Variants in RAB21 observed in about 807,000 individuals in gnomAD.
RAB21 encodes the protein ras-related protein Rab-21.
In RAB21, 13 loss-of-function variants were observed where a neutral mutation model predicts 33.1. That is an observed-to-expected ratio of 0.39 (90% confidence interval 0.26 to 0.62). RAB21 has a LOEUF of 0.62. Ranked by LOEUF, RAB21 falls within the 20% of genes least tolerant of loss-of-function variation. The pLI, the probability that RAB21 is intolerant of heterozygous loss-of-function variation, is 0.48. For synonymous variants in RAB21, 91 were observed against 103.7 expected (o/e 0.88, Z 0.74); for missense variants, 234 against 279.1 (o/e 0.84, Z 1.15).
chr12:71,773,612 A>C (rs555860025), intron 3 of RAB21, among the ~76,000 whole-genome samples: 2 of 152,286 alleles, frequency 1.3e-5, no homozygotes, highest in South Asian at 4.1e-4. Context: ...ATATGTTCCT[A>C]AGTCCAAAGT....
intron 1 of RAB21, among the ~76,000 whole-genome samples, chr12:71,757,967 A>G (rs543455798): frequency 1.3e-5 from 2 of 151,872 alleles, no homozygotes; most frequent in African/African-American, 4.8e-5. Context: ...TGGAGGTGAA[A>G]TGAACTGGTA....
chr12:71,793,172 G>T lies in RAB21; in HGVS notation c.*7499G>T, dbSNP rs537266820. ...GTTTGGTTTGGTTTGGTTTTGCGGT[G>T]ATTTTTTTTAACCTAGAAAAAATAC... On this transcript the variant is annotated 3_prime_UTR_variant, in exon 7 of 7. Coordinates refer to ENST00000261263, the MANE Select transcript of RAB21 (RefSeq NM_014999.4). 2.0e-5 allele frequency: 3 copies of T among 152,108 alleles called. No individual in the cohort carries two copies. Among genetic ancestry groups the T allele is most frequent in the African/African-American group, 7.2e-5 (3 of 41,408 alleles). The allele number at this position is 152,108 out of a possible 1,614,324, so 9.4% of individuals were successfully genotyped here.
At position 71,755,248 on chromosome 12, in the gene RAB21, G is replaced by C. The variant is rs764953594; in HGVS notation, c.119G>C (p.Cys40Ser). Reference sequence around the variant, plus strand: ...AAGACGTCGCTGGTGCTGCGCTACTGCGAGAACAAGTTTAACGACAAGCAC... The same window carrying C: ...AAGACGTCGCTGGTGCTGCGCTACTCCGAGAACAAGTTTAACGACAAGCAC... ...VGKTSLVLRY[C>S]ENKFNDKHIT... Residue 40 changes from cysteine (C) to serine (S), a missense_variant, in exon 1 of 7, where the codon TGC becomes TCC. Coordinates refer to ENST00000261263, the MANE Select transcript of RAB21 (RefSeq NM_014999.4). 6 of 1,547,412 alleles carry C rather than the reference G, an allele frequency of 3.9e-6. No homozygotes were observed. The highest frequency in any genetic ancestry group is 4.3e-6 in the Non-Finnish European group (5 of 1,150,946).
chr12:71,755,635 T>G (rs1882774383), intron 1 of RAB21, among the ~76,000 whole-genome samples: 1 of 152,250 alleles, frequency 6.6e-6, no homozygotes, highest in South Asian at 2.1e-4. Context: ...TGTTAGCTCC[T>G]TTTCTTTCTT....
rs1883368114 is a variant in RAB21 at position 71,790,691 on chromosome 12, C to T, written c.*5018C>T. The T allele has an allele frequency of 6.6e-6, 1 of 152,034 alleles. No individual in the cohort carries two copies. The highest frequency in any genetic ancestry group is 2.4e-5 in the African/African-American group (1 of 41,404). 9.4% of individuals were successfully genotyped at this position (152,034 alleles called of 1,614,324 possible). ...ATCTTTTTGCTATGTATTAATATAT[C>T]TATATGTTTACATATAGAAATACAT... On this transcript the variant is annotated 3_prime_UTR_variant, in exon 7 of 7. Coordinates refer to ENST00000261263, the MANE Select transcript of RAB21 (RefSeq NM_014999.4).
chr12:71,766,971 T>C (rs1349207334), intron 1 of RAB21, among the ~76,000 whole-genome samples: 1 of 152,154 alleles, frequency 6.6e-6, no homozygotes, highest in Non-Finnish European at 1.5e-5. Context: ...TCCCCAACTT[T>C]TATAAAGAAG....
rs546947022 is a variant in RAB21 at position 71,762,399 on chromosome 12, A to G, written c.159+7111A>G. Among the ~76,000 whole-genome samples, 862 of 151,588 alleles carry G rather than the reference A, an allele frequency of 5.7e-3. 13 individuals are homozygous for G. Among genetic ancestry groups the G allele is most frequent in the African/African-American group, 0.02 (810 of 41,296 alleles). ...CGGCTCACTGCAAGCTCCGCCTCCC[A>G]GGTTCACGCCATTCTCCTGCCTCAG... On this transcript the variant is annotated intron_variant, in intron 1 of 6. Transcript: ENST00000261263.
chr12:71,755,179 C>G lies in RAB21; in HGVS notation c.50C>G (p.Ala17Gly). Residue 17 changes from alanine (A) to glycine (G), a missense_variant, in exon 1 of 7, where the codon GCC becomes GGC. Coordinates refer to ENST00000261263, the MANE Select transcript of RAB21 (RefSeq NM_014999.4). ...GGCGGGGCGGCGGCGGCGGGCCGAG[C>G]CTACTCGTTCAAGGTGGTGCTGCTG... ...GGGGAAAAGR[A>G]YSFKVVLLGE... The G allele has an allele frequency of 2.8e-6, 4 of 1,442,388 alleles. No individual in the cohort carries two copies. The Middle Eastern group carries it at 7.5e-4, about 270-fold the overall frequency. 89.3% of individuals were successfully genotyped at this position (1,442,388 alleles called of 1,614,324 possible).
In RAB21 at chr12:71,799,393, C is replaced by T. The variant is rs535658015; in HGVS notation, c.*13720C>T. 1.3e-5 allele frequency: 2 copies of T among 152,330 alleles called. No individual in the cohort carries two copies. Among genetic ancestry groups the T allele is most frequent in the Admixed American group, 6.5e-5 (1 of 15,298 alleles). 9.4% of individuals were successfully genotyped at this position (152,330 alleles called of 1,614,324 possible). ...AAAATATCTATAATGGCTTCTGTTT[C>T]CTGCATTGAAAGCTGACTGATCTGG... On this transcript the variant is annotated 3_prime_UTR_variant, in exon 7 of 7. Coordinates refer to ENST00000261263, the MANE Select transcript of RAB21 (RefSeq NM_014999.4).
chr12:71,759,733 G>A lies in RAB21; in HGVS notation c.159+4445G>A, dbSNP rs185631478. Reference sequence around the variant, plus strand: ...TCATGAGATGCTTTGTCAAATTCTTGCAGAAGACAAGATAGGCTGTGTTTC... The same window carrying A: ...TCATGAGATGCTTTGTCAAATTCTTACAGAAGACAAGATAGGCTGTGTTTC... On this transcript the variant is annotated intron_variant, in intron 1 of 6. Transcript: ENST00000261263. Among the ~76,000 whole-genome samples the A allele has an allele frequency of 1.3e-4, 20 of 152,294 alleles. No individual in the cohort carries two copies. The South Asian group carries it at 2.5e-3, about 19-fold the overall frequency.
rs746798433 is a variant in RAB21, at chr12:71,789,922, T to G, written c.*4249T>G. The G allele has an allele frequency of 1.1e-4, 16 of 152,160 alleles. No individual in the cohort carries two copies. The highest frequency in any genetic ancestry group is 1.8e-4 in the Non-Finnish European group (12 of 67,986). 9.4% of individuals were successfully genotyped at this position (152,160 alleles called of 1,614,324 possible). On this transcript the variant is annotated 3_prime_UTR_variant, in exon 7 of 7. Coordinates refer to ENST00000261263, the MANE Select transcript of RAB21 (RefSeq NM_014999.4). ...GTAATATTTTAATAGTGTTATGTAT[T>G]GGAAAAAATTTAGAAATACTCCTAA...
chr12:71,788,862 C>T lies in RAB21; in HGVS notation c.*3189C>T, dbSNP rs1312494344. The stretch of plus-strand genomic sequence containing the variant: ...GATTGTTTTTGAAAATGTATATTGC[C>T]ATGCTTTTGGGGTAAGCAGTAATGT... On this transcript the variant is annotated 3_prime_UTR_variant, in exon 7 of 7. Transcript: ENST00000261263. 1 of 151,918 alleles carries T rather than the reference C, an allele frequency of 6.6e-6. No homozygotes were observed. The highest frequency in any genetic ancestry group is 1.5e-5 in the Non-Finnish European group (1 of 67,950). The allele number at this position is 151,918 out of a possible 1,614,324, so 9.4% of individuals were successfully genotyped here.
Position 71,796,960 on chromosome 12 carries a change from A to G in RAB21, c.*11287A>G, listed in dbSNP as rs575564646. The G allele has an allele frequency of 6.6e-6, 1 of 152,326 alleles. No homozygotes were observed. The highest frequency in any genetic ancestry group is 2.4e-5 in the African/African-American group (1 of 41,580). The allele number at this position is 152,326 out of a possible 1,614,324, so 9.4% of individuals were successfully genotyped here. ...TCTTTTTAGAAGTAAATTAGTTTTT[A>G]TTTCATTTGTGGGTGGTATTGAGAA... On this transcript the variant is annotated 3_prime_UTR_variant, in exon 7 of 7. Coordinates refer to ENST00000261263, the MANE Select transcript of RAB21 (RefSeq NM_014999.4).
intron 4 of RAB21, among the ~76,000 whole-genome samples, chr12:71,780,556 T>A (rs1293594150): frequency 1.3e-5 from 2 of 152,362 alleles, no homozygotes; most frequent in African/African-American, 2.4e-5. Flanking sequence ...CTGTGGTAGA[T>A]AGCTGTTCAA....
chr12:71,773,810 G>T, intron 3 of RAB21, 149 bp from the exon 4 acceptor site: 25 of 558,932 alleles, frequency 4.5e-5, no homozygotes, highest in East Asian at 1.4e-4. Flanking sequence ...GGCAATAAAT[G>T]ATTCTTCAGT....
intron 1 of RAB21, among the ~76,000 whole-genome samples, chr12:71,762,286 G>GGTTTGGTTTTGTTTT (rs201624763): frequency 3.6e-4 from 54 of 151,342 alleles, no homozygotes; most frequent in South Asian, 2.7e-3. Flanking sequence ...ACCTAGCTTA[G>GGTTTGGTTTTGTTTT]GTTTTGTTTT....
intron 2 of RAB21, 49 bp downstream of exon 2, chr12:71,769,908 C>A: frequency 3.0e-6 from 3 of 990,936 alleles, no homozygotes; most frequent in Non-Finnish European, 4.1e-6. Flanking sequence ...TTCCTTTTTT[C>A]TTTTTTTTTA....
intron 6 of RAB21, 44 bp downstream of exon 6, chr12:71,782,702 T>C (rs1883220260): frequency 2.2e-6 from 3 of 1,353,578 alleles, no homozygotes; most frequent in Non-Finnish European, 3.1e-6. Context: ...GGTTTTTGGT[T>C]TTTATTTTTT....
intron 3 of RAB21, among the ~76,000 whole-genome samples, chr12:71,771,870 G>A (rs1023894821): frequency 1.3e-5 from 2 of 151,930 alleles, no homozygotes; most frequent in African/African-American, 4.8e-5. Context: ...TAGCTACTTG[G>A]GAAGCTGAGG....
Sources: allele counts gnomAD v4.1 joint callset (sites outside exome capture counted in the v4.1 genomes callset), GRCh38; gene constraint gnomAD v4.1.1; transcripts MANE v1.5; gene names NCBI Gene and HGNC (gene_info 2026-07-23, HGNC 2026-07-21).